FAM200B: variants seen among roughly 807,000 people sequenced by gnomAD.
FAM200B encodes the protein protein FAM200B.
In FAM200B, 32 loss-of-function variants were observed where a neutral mutation model predicts 33.1. The ratio of observed to expected loss-of-function variants is 0.97; its 90% confidence interval spans 0.73 to 1.30. The LOEUF is 1.30. FAM200B is among the 50% of genes most tolerant of loss of function. FAM200B has a pLI of 0.00. For synonymous variants in FAM200B, 240 were observed against 264.8 expected (o/e 0.91, Z 0.91); for missense variants, 741 against 754.0 (o/e 0.98, Z 0.20).
chr4:15,688,071 T>C lies in FAM200B; in HGVS notation c.1094T>C (p.Leu365Pro). Residue 365 changes from leucine to proline, a missense_variant, in exon 2 of 2, where the codon CTT (leucine) becomes CCT (proline). Transcript: ENST00000422728. The stretch of plus-strand genomic sequence containing the variant: ...AAAGGAAGCTCATTGAATAGCCGGC[T>C]TCTTGAAACATTTTGTTCAGAGATT... ...FIKGSSLNSR[L>P]LETFCSEIGT... 1 of 1,551,240 alleles carries C rather than the reference T, an allele frequency of 6.4e-7. No individual in the cohort carries two copies. The highest frequency in any genetic ancestry group is 8.7e-7 in the Non-Finnish European group (1 of 1,146,762).
chr4:15,649,434 T>C, the FAM200B span, among the ~76,000 whole-genome samples: 26 of 151,730 alleles, frequency 1.7e-4, no homozygotes, highest in African/African-American at 6.1e-4. Flanking sequence ...CAAAAATTAG[T>C]TGGGCGTGGT....
the FAM200B span, among the ~76,000 whole-genome samples, chr4:15,672,022 G>A: frequency 6.6e-6 from 1 of 152,160 alleles, no homozygotes; most frequent in African/African-American, 2.4e-5. Flanking sequence ...CTAGTTTGGA[G>A]ATTACATTGT....
chr4:15,684,376 G>A (rs1165550798), intron 1 of FAM200B, among the ~76,000 whole-genome samples: 1 of 152,166 alleles, frequency 6.6e-6, no homozygotes, highest in East Asian at 1.9e-4. Flanking sequence ...CATTAAAGCC[G>A]CTTTCGGAGA....
At chr4:15,655,255 GA>G in the FAM200B span, 1 of 1,444,030 alleles carries the variant, frequency 6.9e-7, no homozygotes, top group Non-Finnish European at 9.3e-7. Flanking sequence ...GTGGGGCGGT[GA>G]AGACGTCCAC....
the FAM200B span, among the ~76,000 whole-genome samples, chr4:15,668,989 C>T: frequency 1.6e-4 from 24 of 152,154 alleles, no homozygotes; most frequent in Non-Finnish European, 3.1e-4. Context: ...CTTCATAATC[C>T]ACCTTGTTGA....
the FAM200B span, among the ~76,000 whole-genome samples, chr4:15,653,970 C>G: frequency 4.4e-4 from 67 of 152,320 alleles, 1 homozygote; most frequent in African/African-American, 1.6e-3. Context: ...CCTAGACAGT[C>G]CTGGTGTTTC....
At chr4:15,671,749 A>G in the FAM200B span, among the ~76,000 whole-genome samples, 1 of 151,998 alleles carries the variant, frequency 6.6e-6, no homozygotes, top group African/African-American at 2.4e-5. Context: ...CTGATAGACT[A>G]TTTTTTTGGT....
Position 15,687,050 on chromosome 4 carries a change from G to T in FAM200B, c.73G>T (p.Val25Phe), listed in dbSNP as rs1223400659. 6.5e-7 allele frequency: 1 copy of T among 1,532,080 alleles called. No individual in the cohort carries two copies. Among genetic ancestry groups the T allele is most frequent in the Admixed American group, 2.0e-5 (1 of 49,170 alleles). The allele number at this position is 1,532,080 out of a possible 1,614,324, so 94.9% of individuals were successfully genotyped here. The change falls in exon 2 of 2, where the codon GTT becomes TTT. Residue 25 changes from valine to phenylalanine, a missense_variant. By Grantham distance (50) the Val-to-Phe change is conservative. Transcript: ENST00000422728. ...TACAGAAGCATGTTCAAGTTCATCTGTTGAATCTGGAATTGTGAATAGTGA... is the reference window on the plus strand; with the variant it reads ...TACAGAAGCATGTTCAAGTTCATCTTTTGAATCTGGAATTGTGAATAGTGA... ...KYTEACSSSS[V>F]ESGIVNSDNI... is the part of the protein sequence containing the mutation.
the FAM200B span, among the ~76,000 whole-genome samples, chr4:15,660,851 C>T: frequency 2.6e-5 from 4 of 152,112 alleles, no homozygotes; most frequent in South Asian, 4.2e-4. Flanking sequence ...CCGAGGTGGG[C>T]GGATCACTTC....
the FAM200B span, among the ~76,000 whole-genome samples, chr4:15,656,753 C>T: frequency 6.6e-6 from 1 of 152,102 alleles, no homozygotes; most frequent in Non-Finnish European, 1.5e-5. Context: ...ATAATACCTA[C>T]CTCAGAATCT....
the FAM200B span, among the ~76,000 whole-genome samples, chr4:15,649,989 T>A: frequency 2.0e-5 from 3 of 152,152 alleles, no homozygotes; most frequent in African/African-American, 7.2e-5. Flanking sequence ...TCTTTTCAGA[T>A]ACAAGAGAGT....
chr4:15,669,367 C>G, the FAM200B span, among the ~76,000 whole-genome samples: 2 of 152,150 alleles, frequency 1.3e-5, no homozygotes, highest in Non-Finnish European at 2.9e-5. Flanking sequence ...TACAGTATTA[C>G]TTCATGGAAC....
rs544201484 is a variant in FAM200B, at chr4:15,688,739, A to C, written c.1762A>C (p.Lys588Gln). ...LSLSAFWMKV[K>Q]EDFPLLSRKS... Reference sequence around the variant, plus strand: ...TTTATCAGCATTTTGGATGAAGGTAAAGGAAGACTTTCCATTGTTAAGTAG... The same window carrying C: ...TTTATCAGCATTTTGGATGAAGGTACAGGAAGACTTTCCATTGTTAAGTAG... Residue 588 changes from lysine to glutamine, a missense_variant, in exon 2 of 2, where the codon AAG becomes CAG. Physicochemically the swap from Lys to Gln is moderately conservative, Grantham distance 53. Coordinates refer to ENST00000422728, the MANE Select transcript of FAM200B (RefSeq NM_001145191.2). 1 of 1,550,680 alleles carries C rather than the reference A, an allele frequency of 6.4e-7. No individual in the cohort carries two copies. The highest frequency in any genetic ancestry group is 1.4e-5 in the African/African-American group (1 of 73,130).
the FAM200B span, among the ~76,000 whole-genome samples, chr4:15,641,840 A>C: frequency 2.6e-5 from 4 of 152,060 alleles, no homozygotes; most frequent in African/African-American, 9.7e-5. Flanking sequence ...CAGCCAGCCC[A>C]ACGCGGCGAA....
At chr4:15,637,937 A>G in the FAM200B span, among the ~76,000 whole-genome samples, 1 of 151,346 alleles carries the variant, frequency 6.6e-6, no homozygotes, top group East Asian at 1.9e-4. Flanking sequence ...TTTTATTTGC[A>G]TTTCTCATTT....
chr4:15,642,961 A>C, the FAM200B span, among the ~76,000 whole-genome samples: 1 of 152,014 alleles, frequency 6.6e-6, no homozygotes, highest in African/African-American at 2.4e-5. Flanking sequence ...ACATTCTATC[A>C]ATTTTATTTC....
the FAM200B span, among the ~76,000 whole-genome samples, chr4:15,638,935 C>T: frequency 1.3e-5 from 2 of 152,108 alleles, no homozygotes; most frequent in Non-Finnish European, 2.9e-5. Flanking sequence ...GAAGCCAAGG[C>T]GGGTAGGTCA....
At chr4:15,643,197 G>C in the FAM200B span, among the ~76,000 whole-genome samples, 196 of 152,262 alleles carry the variant, frequency 1.3e-3, no homozygotes, top group African/African-American at 4.5e-3. Flanking sequence ...TAGCTACTAA[G>C]TATTCTTCCA....
the FAM200B span, among the ~76,000 whole-genome samples, chr4:15,660,097 T>A: frequency 3.3e-5 from 5 of 151,592 alleles, no homozygotes; most frequent in Admixed American, 6.6e-5. Context: ...TTTTTTTTTT[T>A]AAAGAGGGTT....
Sources: gnomAD v4.1 joint callset for allele counts (sites outside exome capture counted in the v4.1 genomes callset) on GRCh38, gnomAD v4.1.1 for gene constraint, MANE v1.5 for transcripts, NCBI Gene and HGNC (gene_info 2026-07-23, HGNC 2026-07-21) for gene names.